Variants in VCP observed in about 807,000 individuals in gnomAD.
VCP encodes transitional endoplasmic reticulum ATPase.
A neutral mutation model predicts 85.7 loss-of-function variants in VCP; 6 were observed. The ratio of observed to expected loss-of-function variants is 0.07; its 90% CI spans 0.04 to 0.14. The LOEUF (loss-of-function observed/expected upper bound fraction) is 0.14, where lower values mean the gene tolerates loss of function less well. Among genes scored for constraint, VCP ranks in the 10% least tolerant of loss-of-function variants. VCP has a pLI of 1.00. For synonymous variants in VCP, 384 were observed against 367.1 expected, an observed-to-expected ratio of 1.05 and a Z score of -0.53; for missense variants, 353 against 1,043.4, an observed-to-expected ratio of 0.34 and a Z score of 9.12.
At position 35,072,381 on chromosome 9, in the gene VCP, G is replaced by C; in HGVS notation, c.-28C>G. On this transcript the variant is annotated 5_prime_UTR_variant, in exon 1 of 17. Transcript: ENST00000358901. The stretch of plus-strand genomic sequence containing the variant: ...CGCGCGCCTCTCCCGGCCGGCGGCT[G>C]TGGCGGCCCGCGGGTAACGGCTACG... 2 of 1,474,086 alleles carry C rather than the reference G, an allele frequency of 1.4e-6. No individual in the cohort carries two copies. The highest frequency in any genetic ancestry group is 2.6e-5 in the South Asian group (2 of 77,336). 91.3% of individuals were successfully genotyped at this position (1,474,086 alleles called of 1,614,324 possible).
chr9:35,064,814 G>A (rs899674065), intron 5 of VCP, among the ~76,000 whole-genome samples: 1 of 152,204 alleles, frequency 6.6e-6, no homozygotes, highest in African/African-American at 2.4e-5. Flanking sequence ...GCCCAGAAAT[G>A]AATAGCTGGC....
Position 35,057,156 on chromosome 9 carries a change from A to G in VCP, c.2382T>C (p.Ser794=), listed in dbSNP as rs1442790356. The change falls in exon 17 of 17, where the codon AGT becomes AGC. Residue 794 remains serine (S), a synonymous_variant. Coordinates refer to ENST00000358901, the MANE Select transcript of VCP (RefSeq NM_007126.5). Reference sequence around the variant, plus strand: ...CATCATCATTGTCTTCTGTGTATACACTGCCACCTGTGCCGCCTCCACTGC... The same window carrying G: ...CATCATCATTGTCTTCTGTGTATACGCTGCCACCTGTGCCGCCTCCACTGC... ...SQGSGGGTGG[S]VYTEDNDDDL... 6.2e-7 allele frequency: 1 copy of G among 1,614,128 alleles called. No homozygotes were observed. The highest frequency in any genetic ancestry group is 1.1e-5 in the South Asian group (1 of 91,072).
chr9:35,065,766 G>T (rs973899227), intron 4 of VCP, among the ~76,000 whole-genome samples: 1 of 152,118 alleles, frequency 6.6e-6, no homozygotes, highest in African/African-American at 2.4e-5. Context: ...TTACTCTCCT[G>T]GAACAGAGAA....
At position 35,072,520 on chromosome 9, in the gene VCP, C is replaced by A; in HGVS notation, c.-167G>T. 1.1e-6 allele frequency: 1 copy of A among 873,052 alleles called. No homozygotes were observed. The highest frequency in any genetic ancestry group is 2.4e-5 in the South Asian group (1 of 41,994). 54.1% of individuals were successfully genotyped at this position (873,052 alleles called of 1,614,324 possible). The stretch of plus-strand genomic sequence containing the variant: ...TCGCTTCCTCCCACCGGCAGCGAGG[C>A]GTCGGGCGAACAACGCTGGCTCCTG... On this transcript the variant is annotated 5_prime_UTR_variant, in exon 1 of 17. Transcript: ENST00000358901.
intron 15 of VCP, among the ~76,000 whole-genome samples, chr9:35,058,570 G>A (rs1163883701): frequency 6.6e-6 from 1 of 152,114 alleles, no homozygotes; most frequent in Non-Finnish European, 1.5e-5. Context: ...AGACCATCCT[G>A]GCTAACGTGG....
At chr9:35,069,189 G>C (rs1319106848) in intron 1 of VCP, among the ~76,000 whole-genome samples, 1 of 152,180 alleles carries the variant, frequency 6.6e-6, no homozygotes, top group Non-Finnish European at 1.5e-5. Context: ...GCCAGAAAGA[G>C]GCTCAAGGTC....
At chr9:35,060,678 G>T in intron 12 of VCP, 123 bp downstream of exon 12, 1 of 1,575,080 alleles carries the variant, frequency 6.3e-7, no homozygotes, top group Admixed American at 1.7e-5. Context: ...TCAAACCTAA[G>T]AACAGTAGGT....
intron 1 of VCP, among the ~76,000 whole-genome samples, chr9:35,068,927 G>A (rs550307347): frequency 6.6e-6 from 1 of 152,212 alleles, no homozygotes; most frequent in South Asian, 2.1e-4. Context: ...GGTATTAATG[G>A]TCACCATGAT....
chr9:35,061,410 T>C (rs150826281), intron 10 of VCP, among the ~76,000 whole-genome samples, 167 bp downstream of exon 10: 5 of 152,326 alleles, frequency 3.3e-5, no homozygotes, highest in Admixed American at 6.5e-5. Flanking sequence ...GCGTCAACTA[T>C]GAAAAATGCC....
In VCP at chr9:35,068,324, T is replaced by C. The variant is rs553273871; in HGVS notation, c.56A>G (p.Gln19Arg). 8 of 1,614,244 alleles carry C rather than the reference T, an allele frequency of 5.0e-6. No individual in the cohort carries two copies. The African/African-American group carries it at 5.3e-5, about 11-fold the overall frequency. ...AATTAACCGATTGGGACGGTTCTTC[T>C]GTTTGAGAATGGCTGTTGATAGGTC... is the stretch of plus-strand genomic sequence containing the variant. ...GDDLSTAILK[Q>R]KNRPNRLIVD... The change falls in exon 2 of 17, where the codon CAG becomes CGG. Residue 19 changes from glutamine to arginine, a missense_variant. Transcript: ENST00000358901.
chr9:35,071,400 G>A (rs1251497743), intron 1 of VCP, among the ~76,000 whole-genome samples: 2 of 149,636 alleles, frequency 1.3e-5, no homozygotes, highest in Admixed American at 6.7e-5. Flanking sequence ...AAGGATGGAG[G>A]TGGGGTCAGA....
At chr9:35,063,207 C>G (rs1484245019) in intron 6 of VCP, 127 bp from the exon 7 acceptor site, 7 of 803,978 alleles carry the variant, frequency 8.7e-6, no homozygotes, top group Admixed American at 4.0e-5. Flanking sequence ...AAGCCCTCCG[C>G]AGTAAATGCT....
At chr9:35,058,867 G>A (rs1828665039) in intron 15 of VCP, among the ~76,000 whole-genome samples, 197 bp downstream of exon 15, 1 of 152,212 alleles carries the variant, frequency 6.6e-6, no homozygotes, top group Admixed American at 6.5e-5. Context: ...ACTGAGAATG[G>A]AGCCTGACCA....
chr9:35,064,027 G>A lies in VCP; in HGVS notation c.708+127C>T, dbSNP rs1454360793. 1.6e-5 allele frequency: 24 copies of A among 1,465,616 alleles called. No homozygotes were observed. In the African/African-American group the frequency reaches 1.7e-4, roughly 10 times the overall value. The allele number at this position is 1,465,616 out of a possible 1,614,324, so 90.8% of individuals were successfully genotyped here. On this transcript the variant is annotated intron_variant, in intron 6 of 16. Transcript: ENST00000358901. ...GAGCCTTAGGTAAACTAAAGGATAC[G>A]TTATTGCCCCTCTAATCCAAGGCAA...
Position 35,056,916 on chromosome 9 carries a change from A to AATCGCTTTTATTTT in VCP, c.*187_*200dup. 1.7e-6 allele frequency: 1 copy of AATCGCTTTTATTTT among 605,034 alleles called. No homozygotes were observed. Among genetic ancestry groups the AATCGCTTTTATTTT allele is most frequent in the South Asian group, 1.8e-5 (1 of 55,366 alleles). The allele number at this position is 605,034 out of a possible 1,614,324, so 37.5% of individuals were successfully genotyped here. A position where few individuals can be genotyped will look rare whatever the true frequency, so the allele number is the denominator to read the frequency against. On this transcript the variant is annotated 3_prime_UTR_variant, in exon 17 of 17. Transcript: ENST00000358901. ...ATTCACTCTCCGCCTACCAAATGAA[A>AATCGCTTTTATTTT]ATCGCTTTTATTTTATCGCTTTTGT... is the stretch of plus-strand genomic sequence containing the variant.
At position 35,060,257 on chromosome 9, in the gene VCP, C is replaced by G; in HGVS notation, c.1695+56G>C. The G allele has an allele frequency of 2.5e-6, 4 of 1,572,112 alleles. No homozygotes were observed. In the Admixed American group the frequency reaches 6.8e-5, roughly 27 times the overall value. On this transcript the variant is annotated intron_variant, in intron 13 of 16. Coordinates refer to ENST00000358901, the MANE Select transcript of VCP (RefSeq NM_007126.5). ...TTTCAACCCTCTTAAAGAAAAACAGCCTCTATTCCTTGCCCTCAGGCAAAT... is the reference window on the plus strand; with the variant it reads ...TTTCAACCCTCTTAAAGAAAAACAGGCTCTATTCCTTGCCCTCAGGCAAAT...
rs1488466795 is a variant in VCP at position 35,056,178 on chromosome 9, G to A, written c.*939C>T. On this transcript the variant is annotated 3_prime_UTR_variant, in exon 17 of 17. Coordinates refer to ENST00000358901, the MANE Select transcript of VCP (RefSeq NM_007126.5). Reference sequence around the variant, plus strand: ...TTTGGGATTTTTAGATGCATTAAAAGAGAGTATAGAGAATATCCACCTGCA... The same window carrying A: ...TTTGGGATTTTTAGATGCATTAAAAAAGAGTATAGAGAATATCCACCTGCA... 1 of 152,018 alleles carries A rather than the reference G, an allele frequency of 6.6e-6. No individual in the cohort carries two copies. The allele number at this position is 152,018 out of a possible 1,614,324, so 9.4% of individuals were successfully genotyped here.
At chr9:35,071,307 T>G (rs993361345) in intron 1 of VCP, among the ~76,000 whole-genome samples, 12 of 143,118 alleles carry the variant, frequency 8.4e-5, no homozygotes, top group East Asian at 4.1e-4. Flanking sequence ...TTTTTTTTTT[T>G]TTTTTTTTTT....
intron 1 of VCP, chr9:35,071,612 C>T (rs1160351326): frequency 4.3e-6 from 3 of 693,708 alleles, no homozygotes; most frequent in Non-Finnish European, 5.3e-6. Flanking sequence ...TCTCCCCACC[C>T]ACGAGTCATA....
Sources: gnomAD v4.1 joint callset for allele counts (sites outside exome capture counted in the v4.1 genomes callset) on GRCh38, gnomAD v4.1.1 for gene constraint, MANE v1.5 for transcripts, NCBI Gene and HGNC (gene_info 2026-07-23, HGNC 2026-07-21) for gene names.